The following RTN4RL1 variants were observed in gnomAD, a reference collection of about 807,000 sequenced individuals.
The protein encoded by RTN4RL1 is reticulon-4 receptor-like 1.
A neutral mutation model predicts 25.6 loss-of-function variants in RTN4RL1; 7 were observed. The ratio of observed to expected loss-of-function variants is 0.27; its 90% CI spans 0.16 to 0.51. The LOEUF (loss-of-function observed/expected upper bound fraction) is 0.51. RTN4RL1 is among the 20% of genes least tolerant of loss of function. The probability of loss-of-function intolerance (pLI) is 0.97; values close to 1 mark genes in which losing one functional copy is unlikely to be tolerated. For synonymous variants in RTN4RL1, 297 were observed against 288.2 expected, an observed-to-expected ratio of 1.03 and a Z score of -0.31; for missense variants, 500 against 615.6, an observed-to-expected ratio of 0.81 and a Z score of 1.99.
chr17:1,990,685 A>G (rs1375824037), intron 1 of RTN4RL1, among the ~76,000 whole-genome samples: 1 of 152,204 alleles, frequency 6.6e-6, no homozygotes, highest in Non-Finnish European at 1.5e-5. Flanking sequence ...TGGGCAATAG[A>G]GCAAGACCCT....
At chr17:2,012,799 T>TC (rs1018944042) in intron 1 of RTN4RL1, among the ~76,000 whole-genome samples, 3 of 150,664 alleles carry the variant, frequency 2.0e-5, no homozygotes, top group East Asian at 1.9e-4. Context: ...TTCTTCTTCT[T>TC]TTTTTTTTTT....
At chr17:1,983,907 C>A (rs1032206471) in intron 1 of RTN4RL1, among the ~76,000 whole-genome samples, 77 of 152,268 alleles carry the variant, frequency 5.1e-4, no homozygotes, top group African/African-American at 1.7e-3. Flanking sequence ...TAGGCTCCAC[C>A]CAATCCGGAT....
At chr17:1,975,855 T>A (rs1323863223) in intron 1 of RTN4RL1, among the ~76,000 whole-genome samples, 1 of 152,060 alleles carries the variant, frequency 6.6e-6, no homozygotes, top group Non-Finnish European at 1.5e-5. Flanking sequence ...GAAATTTATT[T>A]GAGATAAAGA....
chr17:1,967,896 C>T (rs2066799400), intron 1 of RTN4RL1, among the ~76,000 whole-genome samples: 2 of 152,214 alleles, frequency 1.3e-5, no homozygotes, highest in Non-Finnish European at 2.9e-5. Context: ...TCGCCTCAGC[C>T]TCCCAAAGTG....
intron 1 of RTN4RL1, among the ~76,000 whole-genome samples, chr17:1,939,827 T>C (rs913263441): frequency 6.6e-6 from 1 of 152,078 alleles, no homozygotes; most frequent in Non-Finnish European, 1.5e-5. Context: ...GCTCCAGGCC[T>C]CCAGGCCCCC....
At chr17:2,023,043 T>C (rs7218596) in intron 1 of RTN4RL1, among the ~76,000 whole-genome samples, 64,528 of 152,006 alleles carry the variant, frequency 0.42, 13,780 homozygotes, top group Middle Eastern at 0.47. Flanking sequence ...AAATAAAGTG[T>C]GTGGGCTGCT....
At chr17:1,945,792 C>T (rs1915525885) in intron 1 of RTN4RL1, among the ~76,000 whole-genome samples, 1 of 152,230 alleles carries the variant, frequency 6.6e-6, no homozygotes, top group African/African-American at 2.4e-5. Flanking sequence ...GCTGTGTTCT[C>T]CGCAGTACCC....
intron 1 of RTN4RL1, among the ~76,000 whole-genome samples, chr17:1,972,692 G>A (rs1200647302): frequency 1.3e-5 from 2 of 152,132 alleles, no homozygotes; most frequent in Non-Finnish European, 2.9e-5. Flanking sequence ...TGAACTTCCC[G>A]ACTCAGCCGC....
chr17:1,939,391 T>TAAAA (rs1340143697), intron 1 of RTN4RL1, among the ~76,000 whole-genome samples: 30 of 150,510 alleles, frequency 2.0e-4, no homozygotes, highest in South Asian at 4.2e-4. Flanking sequence ...AATAAATAAA[T>TAAAA]AAAATACAGA....
chr17:1,966,491 G>A (rs776899105), intron 1 of RTN4RL1, among the ~76,000 whole-genome samples: 4 of 152,140 alleles, frequency 2.6e-5, no homozygotes, highest in Admixed American at 2.0e-4. Flanking sequence ...ATTCTGACCC[G>A]GAATCCAAGG....
At chr17:1,982,177 T>C (rs1055381396) in intron 1 of RTN4RL1, among the ~76,000 whole-genome samples, 6 of 152,182 alleles carry the variant, frequency 3.9e-5, no homozygotes, top group African/African-American at 1.4e-4. Flanking sequence ...GGAGAGTGCC[T>C]GTAATCCCAG....
intron 1 of RTN4RL1, among the ~76,000 whole-genome samples, chr17:1,958,427 C>T (rs1355965438): frequency 9.0e-6 from 1 of 111,408 alleles, no homozygotes; most frequent in East Asian, 2.1e-4. Context: ...TTCATTCCTC[C>T]CCTGTTTTCA....
At chr17:2,008,245 G>A (rs1444104622) in intron 1 of RTN4RL1, among the ~76,000 whole-genome samples, 1 of 150,992 alleles carries the variant, frequency 6.6e-6, no homozygotes, top group Non-Finnish European at 1.5e-5. Flanking sequence ...ATTCAGCCTG[G>A]GCAACAAGGG....
intron 1 of RTN4RL1, among the ~76,000 whole-genome samples, chr17:1,955,258 A>G (rs966831646): frequency 3.3e-5 from 5 of 152,062 alleles, no homozygotes; most frequent in African/African-American, 4.8e-5. Context: ...TTTACTTTCA[A>G]AATAATACTT....
intron 1 of RTN4RL1, among the ~76,000 whole-genome samples, chr17:1,940,074 A>G (rs1432018027): frequency 6.6e-6 from 1 of 152,066 alleles, no homozygotes; most frequent in Admixed American, 6.5e-5. Flanking sequence ...AGCAGGCCTC[A>G]CCGCCACTGT....
intron 1 of RTN4RL1, among the ~76,000 whole-genome samples, chr17:2,006,698 G>A (rs1288371702): frequency 6.6e-6 from 1 of 152,242 alleles, no homozygotes; most frequent in African/African-American, 2.4e-5. Context: ...TCAGCTCACT[G>A]CAACTTCCGC....
intron 1 of RTN4RL1, among the ~76,000 whole-genome samples, chr17:1,979,300 C>A (rs182557617): frequency 0.016 from 2,380 of 150,176 alleles, 47 homozygotes; most frequent in Non-Finnish European, 0.018. Flanking sequence ...AAACAAAAAA[C>A]CCCATCTCTA....
In RTN4RL1 at chr17:1,992,959, AG is replaced by A. The variant is rs1235983733; in HGVS notation, c.13+31893del. On this transcript the variant is annotated intron_variant, in intron 1 of 1. Transcript: ENST00000331238. ...CTGTGACACAATGAAACTACAGGTG[AG>A]GGCCGGGCGCGGTGGCTCCCACCTG... Among the ~76,000 whole-genome samples the A allele has an allele frequency of 1.2e-4, 18 of 152,148 alleles. No individual in the cohort carries two copies. In the East Asian group the frequency reaches 3.3e-3, roughly 28 times the overall value.
intron 1 of RTN4RL1, among the ~76,000 whole-genome samples, chr17:2,004,525 A>G (rs907482986): frequency 1.1e-4 from 17 of 152,248 alleles, no homozygotes; most frequent in African/African-American, 4.1e-4. Context: ...CCTGGAGTTC[A>G]AGGCTGTGGA....
Sources: allele counts gnomAD v4.1 joint callset (sites outside exome capture counted in the v4.1 genomes callset), GRCh38; gene constraint gnomAD v4.1.1; transcripts MANE v1.5; gene names NCBI Gene and HGNC (gene_info 2026-07-23, HGNC 2026-07-21).